Variants in ZNF202 observed in about 807,000 individuals in gnomAD.
The protein encoded by ZNF202 is zinc finger protein 202, also known as zinc finger protein with KRAB and SCAN domains 10.
ZNF202 carries 22 observed loss-of-function variants against 54.5 expected under a neutral mutation model. That is an observed-to-expected ratio of 0.40 (90% confidence interval 0.29 to 0.58). ZNF202 has a LOEUF of 0.58. Ranked by LOEUF, ZNF202 falls within the 20% of genes least tolerant of loss-of-function variation. ZNF202 has a pLI of 0.39. For synonymous variants in ZNF202, 294 were observed against 301.4 expected (o/e 0.98, Z 0.26); for missense variants, 644 against 805.5 (o/e 0.80, Z 2.43).
intron 5 of ZNF202, 55 bp downstream of exon 5, chr11:123,729,560 C>T: frequency 6.9e-7 from 1 of 1,450,040 alleles, no homozygotes; most frequent in East Asian, 2.5e-5. Flanking sequence ...CGAGAAATGT[C>T]CCCCTCCTTG....
chr11:123,726,421 G>T lies in ZNF202; in HGVS notation c.1523C>A (p.Pro508His). The T allele has an allele frequency of 6.2e-7, 1 of 1,614,224 alleles. No individual in the cohort carries two copies. Among genetic ancestry groups the T allele is most frequent in the Non-Finnish European group, 8.5e-7 (1 of 1,180,042 alleles). Residue 508 changes from proline to histidine, a missense_variant, in exon 9 of 9, where the codon CCC becomes CAC. Transcript: ENST00000530393. This position sits in a 1 kb window ranked among gnomAD's most constrained non-coding sequence, Gnocchi z 6.0. ...RHQRTHTGEK[P>H]FFCTICGKSF... ...TTTGCCACAAATAGTACAAAAGAAG[G>T]GTTTTTCTCCAGTATGTGTCCTCTG...
In ZNF202 at chr11:123,729,531, T is replaced by C. The variant is rs1197841716; in HGVS notation, c.613+84A>G. 1.4e-5 allele frequency: 19 copies of C among 1,393,250 alleles called. No homozygotes were observed. In the Middle Eastern group the frequency reaches 7.8e-4, roughly 57 times the overall value. The allele number at this position is 1,393,250 out of a possible 1,614,324, so 86.3% of individuals were successfully genotyped here. On this transcript the variant is annotated intron_variant, in intron 5 of 8. Transcript: ENST00000530393. ...CATACAGTCTATCTACCCAGCTTCCTTGGTATAGGAGAAATGTCCGAGAAA... is the reference window on the plus strand; with the variant it reads ...CATACAGTCTATCTACCCAGCTTCCCTGGTATAGGAGAAATGTCCGAGAAA...
At chr11:123,732,713 T>A (rs1185160396) in intron 3 of ZNF202, among the ~76,000 whole-genome samples, 1 of 152,154 alleles carries the variant, frequency 6.6e-6, no homozygotes, top group African/African-American at 2.4e-5. Context: ...CTATTTTCCA[T>A]CAATCTCCAA....
chr11:123,734,871 GA>G (rs1368420045), intron 3 of ZNF202, among the ~76,000 whole-genome samples: 5 of 152,016 alleles, frequency 3.3e-5, no homozygotes, highest in African/African-American at 1.2e-4. Context: ...CATACATAGG[GA>G]AAAAAACATT....
At chr11:123,729,096 C>T (rs1014797969) in intron 6 of ZNF202, 30 bp downstream of exon 6, 4 of 1,610,420 alleles carry the variant, frequency 2.5e-6, no homozygotes, top group Non-Finnish European at 3.4e-6. Context: ...CAAACAAATT[C>T]TCTGTGGTAC....
intron 6 of ZNF202, among the ~76,000 whole-genome samples, chr11:123,728,721 C>T (rs868402575): frequency 1.3e-4 from 19 of 151,934 alleles, no homozygotes; most frequent in South Asian, 6.2e-4. Context: ...TCTCCAGCCA[C>T]ATGGCTTAGT....
chr11:123,729,307 G>A, intron 5 of ZNF202, 93 bp from the exon 6 acceptor site: 1 of 1,298,836 alleles, frequency 7.7e-7, no homozygotes, highest in Non-Finnish European at 1.1e-6. Context: ...TGGTAGGAAG[G>A]TGGCCCTATC....
intron 3 of ZNF202, among the ~76,000 whole-genome samples, chr11:123,731,997 C>A (rs752213792): frequency 2.6e-5 from 4 of 152,208 alleles, no homozygotes; most frequent in Admixed American, 6.5e-5. Flanking sequence ...GATCTCCCTA[C>A]AACAGGGTGT....
rs145994167 is a variant in ZNF202 at position 123,739,656 on chromosome 11, T to C, written c.-98+461A>G. The stretch of plus-strand genomic sequence containing the variant: ...CGCTTTCTTAATTTTGCGAACAAAA[T>C]ATTCAGACCTAAGTGATTATCTATA... On this transcript the variant is annotated intron_variant, in intron 3 of 8. Transcript: ENST00000530393. 243 of 152,360 alleles carry C rather than the reference T, an allele frequency of 1.6e-3. 1 individual carries two copies. Among genetic ancestry groups the C allele is most frequent in the African/African-American group, 5.5e-3 (230 of 41,586 alleles). The allele number at this position is 152,360 out of a possible 1,614,324, so 9.4% of individuals were successfully genotyped here. A position where few individuals can be genotyped will look rare whatever the true frequency, so the allele number is the denominator to read the frequency against.
chr11:123,738,989 G>T (rs955551515), intron 3 of ZNF202: 2 of 152,184 alleles, frequency 1.3e-5, no homozygotes, highest in Admixed American at 1.3e-4. Flanking sequence ...CCCCACTGTG[G>T]GCCCTGCCCT....
rs371535083 is a variant in ZNF202 at position 123,729,715 on chromosome 11, G to A, written c.513C>T (p.Pro171=). ...GTGTGGTTTCCTCAGGAGACTGCTC[G>A]GGGGTCGAGCTTTGCACAGGATCCT... is the stretch of plus-strand genomic sequence containing the variant. The part of the protein sequence containing the change: ...ELQDPVQSST[P]EQSPEETTQS... The change falls in exon 5 of 9, where the codon CCC becomes CCT. Residue 171 remains proline, a synonymous_variant. Transcript: ENST00000530393. The A allele has an allele frequency of 3.6e-5, 58 of 1,613,848 alleles. 1 individual carries two copies. Among genetic ancestry groups the A allele is most frequent in the South Asian group, 3.2e-4 (29 of 91,006 alleles).
intron 3 of ZNF202, chr11:123,738,773 A>T (rs1340732320): frequency 6.6e-6 from 1 of 152,206 alleles, no homozygotes; most frequent in East Asian, 1.9e-4. Context: ...GCCTGTGTGG[A>T]TACTCCCTGT....
Position 123,725,934 on chromosome 11 carries a change from T to C in ZNF202, c.*63A>G. 1.3e-6 allele frequency: 2 copies of C among 1,532,686 alleles called. No homozygotes were observed. Among genetic ancestry groups the C allele is most frequent in the Non-Finnish European group, 1.8e-6 (2 of 1,141,846 alleles). The allele number at this position is 1,532,686 out of a possible 1,614,324, so 94.9% of individuals were successfully genotyped here. A position where few individuals can be genotyped will look rare whatever the true frequency, so the allele number is the denominator to read the frequency against. ...GTCTTCCCAGGCTGACAAGAGGGCT[T>C]TTCCTCTTCCTCACCTCCCTTAGGT... On this transcript the variant is annotated 3_prime_UTR_variant, in exon 9 of 9. Coordinates refer to ENST00000530393, the MANE Select transcript of ZNF202 (RefSeq NM_003455.4).
chr11:123,727,138 C>T (rs1023051000), intron 8 of ZNF202, 147 bp from the exon 9 acceptor site: 2 of 1,077,636 alleles, frequency 1.9e-6, no homozygotes, highest in Non-Finnish European at 2.7e-6. Flanking sequence ...TATTGTTATG[C>T]TATCAACAAA....
intron 6 of ZNF202, among the ~76,000 whole-genome samples, chr11:123,728,583 T>C (rs1299118305): frequency 6.6e-6 from 1 of 152,232 alleles, no homozygotes; most frequent in African/African-American, 2.4e-5. Context: ...GCAAAATTCA[T>C]CTTTTCTAGT....
At chr11:123,735,959 T>C (rs1411668434) in intron 3 of ZNF202, among the ~76,000 whole-genome samples, 2 of 152,116 alleles carry the variant, frequency 1.3e-5, no homozygotes, top group African/African-American at 4.8e-5. Flanking sequence ...ATAGAGAGAA[T>C]ATGAAACCAG....
intron 1 of ZNF202, among the ~76,000 whole-genome samples, chr11:123,741,183 T>C (rs1861848027): frequency 6.6e-6 from 1 of 151,940 alleles, no homozygotes; most frequent in African/African-American, 2.4e-5. Context: ...CCTAGACCAC[T>C]CCTCCCTCGG....
Position 123,740,468 on chromosome 11 carries a change from A to C in ZNF202, c.-225T>G, listed in dbSNP as rs1939925. On this transcript the variant is annotated 5_prime_UTR_variant, in exon 2 of 9. Transcript: ENST00000530393. ...GCCCCACGGGGCAGCTTGGAAGAGA[A>C]GCTGGGAGGGATGAGGGGCTCCACT... The C allele has an allele frequency of 1.3e-5, 2 of 152,270 alleles. No individual in the cohort carries two copies. Among genetic ancestry groups the C allele is most frequent in the Non-Finnish European group, 1.5e-5 (1 of 68,068 alleles). 9.4% of individuals were successfully genotyped at this position (152,270 alleles called of 1,614,324 possible). A position where few individuals can be genotyped will look rare whatever the true frequency, so the allele number is the denominator to read the frequency against.
chr11:123,739,055 G>A (rs1557427), intron 3 of ZNF202: 77,484 of 152,162 alleles, frequency 0.51, 20,346 homozygotes, highest in Middle Eastern at 0.72. Flanking sequence ...CCACTTTGTG[G>A]AGCCCTTAGT....
Sources: gnomAD v4.1 joint callset for allele counts (sites outside exome capture counted in the v4.1 genomes callset) on GRCh38, gnomAD v4.1.1 for gene constraint, Gnocchi (gnomAD v3.1) non-coding constraint, MANE v1.5 for transcripts, NCBI Gene and HGNC (gene_info 2026-07-23, HGNC 2026-07-21) for gene names.